The following DOCK1 variants were observed in gnomAD, a reference collection of about 807,000 sequenced individuals.
DOCK1 encodes the protein dedicator of cytokinesis protein 1.
A neutral mutation model predicts 262.7 loss-of-function variants in DOCK1; 138 were observed. The observed-to-expected ratio is 0.53, with a 90% confidence interval of 0.46 to 0.61. The LOEUF is 0.61. DOCK1 is among the 20% of genes least tolerant of loss of function. The pLI is 0.00. For missense variants in DOCK1, 1,908 were observed against 2,370.7 expected (o/e 0.80, Z 4.05); for synonymous variants, 866 against 867.4 (o/e 1.00, Z 0.03).
intron 33 of DOCK1, among the ~76,000 whole-genome samples, chr10:127,371,501 A>G (rs2134017432): frequency 6.6e-6 from 1 of 152,328 alleles, no homozygotes; most frequent in East Asian, 1.9e-4. Context: ...CCGTTTTCAT[A>G]ACCTACACTC....
At chr10:127,387,449 G>C (rs979272674) in intron 38 of DOCK1, among the ~76,000 whole-genome samples, 2 of 152,172 alleles carry the variant, frequency 1.3e-5, no homozygotes, top group African/African-American at 4.8e-5. Flanking sequence ...AGGACCACGC[G>C]TGCATGGTGG....
At chr10:127,363,004 C>CACACATACACAT (rs1177212036) in intron 33 of DOCK1, among the ~76,000 whole-genome samples, 1 of 52,628 alleles carries the variant, frequency 1.9e-5, no homozygotes, top group African/African-American at 9.9e-5. Flanking sequence ...CACACACACA[C>CACACATACACAT]GCACATCCCC....
chr10:127,347,586 G>C (rs113448515), intron 31 of DOCK1, among the ~76,000 whole-genome samples: 1 of 152,024 alleles, frequency 6.6e-6, no homozygotes, highest in Non-Finnish European at 1.5e-5. Flanking sequence ...TTGGGGCGGG[G>C]TGTGGGGGCT....
intron 44 of DOCK1, 75 bp from the exon 45 acceptor site, chr10:127,418,290 C>G: frequency 7.0e-7 from 1 of 1,424,268 alleles, no homozygotes; most frequent in Non-Finnish European, 9.4e-7. Context: ...CCCCAGAGCA[C>G]GTGGCTCCTC....
chr10:127,352,271 TGGGGAGGGGTGGGAAGCATC>T (rs1195436608), intron 31 of DOCK1, among the ~76,000 whole-genome samples: 3 of 6,920 alleles, frequency 4.3e-4, no homozygotes, highest in African/African-American at 8.0e-4. Context: ...CGGGGAGGGG[TGGGGAGGGGTGGGAAGCATC>T]GGGGAGGGGT....
At chr10:127,093,239 C>CTTTCTTTCTTTTTTTTTCTTTCTTTCT (rs372397425) in intron 23 of DOCK1, among the ~76,000 whole-genome samples, 1 of 94,262 alleles carries the variant, frequency 1.1e-5, no homozygotes, top group Non-Finnish European at 2.1e-5. Flanking sequence ...TTCTTTCTTT[C>CTTTCTTTCTTTTTTTTTCTTTCTTTCT]TTCTTTTTTT....
At chr10:127,223,118 G>A (rs1198022053) in intron 27 of DOCK1, among the ~76,000 whole-genome samples, 1 of 152,050 alleles carries the variant, frequency 6.6e-6, no homozygotes, top group Non-Finnish European at 1.5e-5. Flanking sequence ...TGTCACAGTG[G>A]TCACAACTAA....
intron 1 of DOCK1, among the ~76,000 whole-genome samples, chr10:126,939,953 C>T (rs2034863863): frequency 1.3e-5 from 2 of 152,196 alleles, no homozygotes; most frequent in Admixed American, 1.3e-4. Context: ...TAGGAGCCTC[C>T]ATGAGCTGGT....
chr10:127,233,286 C>T (rs1314798017), intron 27 of DOCK1, among the ~76,000 whole-genome samples: 1 of 152,044 alleles, frequency 6.6e-6, no homozygotes, highest in Admixed American at 6.5e-5. Flanking sequence ...ATGAAATGGC[C>T]TCTTCTCATA....
At chr10:126,980,725 C>T (rs79044052) in intron 3 of DOCK1, among the ~76,000 whole-genome samples, 2,086 of 152,018 alleles carry the variant, frequency 0.014, 56 homozygotes, top group African/African-American at 0.048. Flanking sequence ...GGCTGAATGC[C>T]GGGGAAACCC....
intron 43 of DOCK1, 68 bp from the exon 44 acceptor site, chr10:127,415,084 T>G: frequency 6.9e-7 from 1 of 1,457,372 alleles, no homozygotes; most frequent in Non-Finnish European, 9.5e-7. Flanking sequence ...TAAATCCCCC[T>G]TAGGGCAGAG....
At chr10:126,931,689 C>A (rs1251085457) in intron 1 of DOCK1, among the ~76,000 whole-genome samples, 2 of 152,094 alleles carry the variant, frequency 1.3e-5, no homozygotes, top group African/African-American at 4.8e-5. Flanking sequence ...CATTCTGAAG[C>A]GGGAGGTGGT....
intron 23 of DOCK1, among the ~76,000 whole-genome samples, chr10:127,098,144 A>T (rs2048018607): frequency 6.6e-6 from 1 of 152,254 alleles, no homozygotes. Context: ...TCTCACCCAC[A>T]ATTCAAAACA....
At chr10:127,074,107 C>T (rs2046383100) in intron 23 of DOCK1, among the ~76,000 whole-genome samples, 1 of 152,130 alleles carries the variant, frequency 6.6e-6, no homozygotes, top group African/African-American at 2.4e-5. Context: ...ATCATTAGCT[C>T]TGTTATATTG....
chr10:127,174,392 A>G (rs895166411), intron 27 of DOCK1, among the ~76,000 whole-genome samples: 1 of 152,216 alleles, frequency 6.6e-6, no homozygotes, highest in Admixed American at 6.5e-5. Context: ...AGCTGAGCAC[A>G]TGCCGGCCTG....
rs184329294 is a variant in DOCK1 at position 127,073,696 on chromosome 10, C to A, written c.2445+11920C>A. On this transcript the variant is annotated intron_variant, in intron 23 of 51. Coordinates refer to ENST00000623213, the MANE Select transcript of DOCK1 (RefSeq NM_001290223.2). ...ATCTTCAGACAGAACCATCGTTAAC[C>A]TTCTTTTAAGCAGGAGGCTATCCCT... Among the ~76,000 whole-genome samples, 26 of 152,292 alleles carry A rather than the reference C, an allele frequency of 1.7e-4. No individual in the cohort carries two copies. The East Asian group carries it at 5.0e-3, about 29-fold the overall frequency.
At chr10:127,212,589 G>T (rs2058029159) in intron 27 of DOCK1, among the ~76,000 whole-genome samples, 1 of 151,952 alleles carries the variant, frequency 6.6e-6, no homozygotes, top group Admixed American at 6.6e-5. Flanking sequence ...GCCTGCGTGA[G>T]TTAAGCCTCT....
rs553299904 is a variant in DOCK1 at position 127,176,518 on chromosome 10, G to T, written c.2847+48754G>T. ...CTGTTTCCTAATTATATTTAAGCAGGTGAGGTCGGCCTTTATGTTAAGGAA... is the reference window on the plus strand; with the variant it reads ...CTGTTTCCTAATTATATTTAAGCAGTTGAGGTCGGCCTTTATGTTAAGGAA... On this transcript the variant is annotated intron_variant, in intron 27 of 51. Coordinates refer to ENST00000623213, the MANE Select transcript of DOCK1 (RefSeq NM_001290223.2). The surrounding 1 kb of genome is among the most constrained non-coding windows in gnomAD (Gnocchi z 4.4). 3 of 830,118 alleles carry T rather than the reference G, an allele frequency of 3.6e-6. No homozygotes were observed. The highest frequency in any genetic ancestry group is 3.4e-5 in the African/African-American group (2 of 58,960). The allele number at this position is 830,118 out of a possible 1,614,324, so 51.4% of individuals were successfully genotyped here.
At chr10:127,252,218 C>G (rs1313188170) in intron 28 of DOCK1, among the ~76,000 whole-genome samples, 11 of 138,000 alleles carry the variant, frequency 8.0e-5, no homozygotes, top group African/African-American at 2.5e-4. Flanking sequence ...CCTTCGCCCA[C>G]TTTTTGATGG....
Sources: gnomAD v4.1 joint callset for allele counts (sites outside exome capture counted in the v4.1 genomes callset) on GRCh38, gnomAD v4.1.1 for gene constraint, Gnocchi (gnomAD v3.1) non-coding constraint, MANE v1.5 for transcripts, NCBI Gene and HGNC (gene_info 2026-07-23, HGNC 2026-07-21) for gene names.